Variants in TTC23L observed in about 807,000 individuals in gnomAD.
TTC23L encodes tetratricopeptide repeat domain 23 like, also known as tetratricopeptide repeat protein 23-like.
A neutral mutation model predicts 48.1 loss-of-function variants in TTC23L; 42 were observed. That is an observed-to-expected ratio of 0.87 (90% CI 0.68 to 1.13). TTC23L has a LOEUF of 1.13. Ranked by LOEUF, TTC23L falls within the 50% of genes most tolerant of loss-of-function variation. TTC23L has a pLI of 0.00. For synonymous variants in TTC23L, 159 were observed against 157.2 expected (o/e 1.01, Z -0.09); for missense variants, 391 against 421.0 (o/e 0.93, Z 0.62).
chr5:34,873,337 G>A (rs1350079437), intron 8 of TTC23L, among the ~76,000 whole-genome samples: 3 of 152,158 alleles, frequency 2.0e-5, no homozygotes, highest in Non-Finnish European at 2.9e-5. Flanking sequence ...TGATAGTGCT[G>A]GAAGTAGATA....
chr5:34,901,774 C>CA (rs201717642), downstream of TTC23L, among the ~76,000 whole-genome samples: 385 of 152,022 alleles, frequency 2.5e-3, 2 homozygotes, highest in African/African-American at 8.6e-3. Flanking sequence ...AAAACAAAAA[C>CA]AAAACAACAA....
chr5:34,866,207 T>C (rs543641468), intron 6 of TTC23L, among the ~76,000 whole-genome samples: 1 of 152,340 alleles, frequency 6.6e-6, no homozygotes, highest in African/African-American at 2.4e-5. Flanking sequence ...AATAAGCCGA[T>C]TGTGATACCA....
intron 8 of TTC23L, 40 bp from the exon 9 acceptor site, chr5:34,880,141 G>C (rs767590210): frequency 6.3e-7 from 1 of 1,591,608 alleles, no homozygotes; most frequent in Non-Finnish European, 8.5e-7. Flanking sequence ...ATTTGTAAAG[G>C]TTAGCAGCTT....
At chr5:34,925,461 T>C in the TTC23L span, 11 of 1,613,552 alleles carry the variant, frequency 6.8e-6, no homozygotes, top group Non-Finnish European at 9.3e-6. Context: ...CAAAGAAAAA[T>C]GAAACAGAGG....
At chr5:34,881,574 C>T (rs1762224507) in intron 9 of TTC23L, among the ~76,000 whole-genome samples, 1 of 152,128 alleles carries the variant, frequency 6.6e-6, no homozygotes, top group Non-Finnish European at 1.5e-5. Context: ...AGTAGAGTTA[C>T]AGGCACATAA....
In TTC23L at chr5:34,847,286, C is replaced by A. The variant is rs534914025; in HGVS notation, c.255+1613C>A. ...CAAATCCAGGCTAGAAGGATCATTT[C>A]TAAAAACACACAAGTACCATCTGCC... On this transcript the variant is annotated intron_variant, in intron 3 of 10. Transcript: ENST00000505624. Among the ~76,000 whole-genome samples, 7 of 152,268 alleles carry A rather than the reference C, an allele frequency of 4.6e-5. No homozygotes were observed. The South Asian group carries it at 1.5e-3, about 32-fold the overall frequency.
At chr5:34,902,822 A>G (rs1763541000), downstream of TTC23L, among the ~76,000 whole-genome samples, 1 of 152,136 alleles carries the variant, frequency 6.6e-6, no homozygotes, top group South Asian at 2.1e-4. Context: ...CACTTGGCCT[A>G]TCATTGTTCA....
chr5:34,847,372 A>T (rs1759294641), intron 3 of TTC23L, among the ~76,000 whole-genome samples: 1 of 152,224 alleles, frequency 6.6e-6, no homozygotes, highest in African/African-American at 2.4e-5. Flanking sequence ...GGATAATGAC[A>T]AAGATTTAGA....
At chr5:34,864,373 C>G in intron 5 of TTC23L, 64 bp from the exon 6 acceptor site, 1 of 1,558,526 alleles carries the variant, frequency 6.4e-7, no homozygotes, top group Non-Finnish European at 8.7e-7. Context: ...GTTTCCTTAT[C>G]ACCTGCTGTC....
intron 9 of TTC23L, 152 bp downstream of exon 9, chr5:34,880,460 C>T (rs1194981719): frequency 4.7e-6 from 4 of 857,354 alleles, no homozygotes; most frequent in Admixed American, 3.2e-5. Flanking sequence ...TAGCATTAAC[C>T]GAATTATTTT....
chr5:34,858,546 G>C (rs1445881695), intron 4 of TTC23L, among the ~76,000 whole-genome samples: 1 of 152,038 alleles, frequency 6.6e-6, no homozygotes, highest in Non-Finnish European at 1.5e-5. Flanking sequence ...TCAAGAGACA[G>C]CTCCCTTATC....
At chr5:34,921,250 G>A in the TTC23L span, 4 of 152,246 alleles carry the variant, frequency 2.6e-5, no homozygotes, top group East Asian at 3.9e-4. Flanking sequence ...TAATGTTTTT[G>A]TGTCTTCTCA....
intron 9 of TTC23L, among the ~76,000 whole-genome samples, chr5:34,884,970 CAT>C (rs1460261816): frequency 6.6e-6 from 1 of 152,186 alleles, no homozygotes. Flanking sequence ...CATCTGTCAA[CAT>C]AGATAATTCA....
chr5:34,869,862 T>G (rs1761328239), intron 8 of TTC23L: 1 of 152,198 alleles, frequency 6.6e-6, no homozygotes, highest in African/African-American at 2.4e-5. Flanking sequence ...TTTGATCTTT[T>G]AATTATTTTT....
intron 9 of TTC23L, among the ~76,000 whole-genome samples, chr5:34,888,299 T>C (rs1055641776): frequency 1.5e-4 from 23 of 152,216 alleles, no homozygotes; most frequent in African/African-American, 5.5e-4. Context: ...TACATCTTTG[T>C]TATCAGCTTA....
chr5:34,866,887 T>A lies in TTC23L; in HGVS notation c.663-5T>A. The A allele has an allele frequency of 6.3e-7, 1 of 1,579,512 alleles. No individual in the cohort carries two copies. Among genetic ancestry groups the A allele is most frequent in the Non-Finnish European group, 8.6e-7 (1 of 1,157,850 alleles). On this transcript the variant is annotated splice_polypyrimidine_tract_variant and splice_region_variant and intron_variant, in intron 6 of 10. Coordinates refer to ENST00000505624, the Ensembl canonical transcript of TTC23L. ...GACTTTCTATTTTCATCCCTTTTCT[T>A]GCAGAGCCTCCTTGGCCATCCACAG...
the TTC23L span, among the ~76,000 whole-genome samples, chr5:34,904,578 G>GT: frequency 6.6e-6 from 1 of 150,746 alleles, no homozygotes; most frequent in African/African-American, 2.4e-5. Context: ...TGGCAACAGA[G>GT]TGGGACTCCA....
chr5:34,879,796 G>C (rs568350652), intron 8 of TTC23L, among the ~76,000 whole-genome samples: 18 of 152,268 alleles, frequency 1.2e-4, no homozygotes, highest in Non-Finnish European at 2.4e-4. Context: ...AAGAGATTGA[G>C]ACCGTCCTGG....
At chr5:34,915,650 G>T in the TTC23L span, 1 of 1,435,028 alleles carries the variant, frequency 7.0e-7, no homozygotes, top group African/African-American at 1.4e-5. Context: ...GCGGAGCTGA[G>T]CGCTTAGAGC....
Sources: allele counts gnomAD v4.1 joint callset (sites outside exome capture counted in the v4.1 genomes callset), GRCh38; gene constraint gnomAD v4.1.1; transcripts MANE v1.5; gene names NCBI Gene and HGNC (gene_info 2026-07-23, HGNC 2026-07-21).